Variants in FIG4 observed in about 807,000 individuals in gnomAD.
FIG4 encodes the protein polyphosphoinositide phosphatase.
A neutral mutation model predicts 118.6 loss-of-function variants in FIG4; 112 were observed. The observed-to-expected ratio is 0.94, with a 90% confidence interval of 0.81 to 1.11. The LOEUF is 1.11. Among genes scored for constraint, FIG4 ranks in the 50% least tolerant of loss-of-function variants. The pLI, the probability that FIG4 is intolerant of heterozygous loss-of-function variation, is 0.00. For synonymous variants in FIG4, 369 were observed against 381.2 expected (o/e 0.97, Z 0.37); for missense variants, 969 against 1,111.7 (o/e 0.87, Z 1.83).
chr6:109,794,037 A>G (rs974735523), intron 21 of FIG4, among the ~76,000 whole-genome samples: 1 of 152,220 alleles, frequency 6.6e-6, no homozygotes, highest in African/African-American at 2.4e-5. Context: ...CTGACTGAGT[A>G]ATATGACTTT....
chr6:109,814,167 A>G (rs931321984), intron 22 of FIG4, among the ~76,000 whole-genome samples: 18 of 152,110 alleles, frequency 1.2e-4, no homozygotes, highest in African/African-American at 4.3e-4. Flanking sequence ...TATTTATTTA[A>G]AGACAGTCTC....
rs1583731021 is a variant in FIG4, at chr6:109,785,092, T to A, written c.1948+64T>A. ...ATTTTGGCATTATACCTTAATGAACTTGAAGCATTAAATCCTTTGCACATA... is the reference window on the plus strand; with the variant it reads ...ATTTTGGCATTATACCTTAATGAACATGAAGCATTAAATCCTTTGCACATA... On this transcript the variant is annotated intron_variant, in intron 17 of 22. Transcript: ENST00000230124. 5 of 895,090 alleles carry A rather than the reference T, an allele frequency of 5.6e-6. No homozygotes were observed. The East Asian group carries it at 9.6e-5, about 17-fold the overall frequency. 55.4% of individuals were successfully genotyped at this position (895,090 alleles called of 1,614,324 possible). A position where few individuals can be genotyped will look rare whatever the true frequency, so the allele number is the denominator to read the frequency against.
chr6:109,812,546 C>A (rs1031468839), intron 22 of FIG4, among the ~76,000 whole-genome samples: 1 of 152,146 alleles, frequency 6.6e-6, no homozygotes, highest in African/African-American at 2.4e-5. Context: ...GAGTTGGTTT[C>A]ATGGGAGCCA....
intron 16 of FIG4, among the ~76,000 whole-genome samples, chr6:109,778,534 T>C (rs1215080256): frequency 4.0e-5 from 6 of 151,690 alleles, no homozygotes; most frequent in Admixed American, 1.3e-4. Flanking sequence ...GCTAATTGTG[T>C]GTATGGGACC....
intron 5 of FIG4, among the ~76,000 whole-genome samples, chr6:109,733,930 T>G (rs893439077): frequency 1.3e-5 from 2 of 152,038 alleles, no homozygotes; most frequent in Admixed American, 1.3e-4. Flanking sequence ...TTGTGCCTCA[T>G]AAGTAGGCTT....
intron 10 of FIG4, among the ~76,000 whole-genome samples, chr6:109,756,118 T>G (rs4498399): frequency 0.8 from 121,927 of 151,990 alleles, 49,194 homozygotes; most frequent in African/African-American, 0.9. Flanking sequence ...AGGAGCTCTT[T>G]TAGGGCAGGC....
At chr6:109,739,510 AG>A (rs1776260396) in intron 7 of FIG4, among the ~76,000 whole-genome samples, 1 of 152,026 alleles carries the variant, frequency 6.6e-6, no homozygotes, top group Non-Finnish European at 1.5e-5. Flanking sequence ...TATTTTTCTT[AG>A]TTTTATTCTC....
chr6:109,760,194 C>G, intron 10 of FIG4, 56 bp from the exon 11 acceptor site: 1 of 1,475,784 alleles, frequency 6.8e-7, no homozygotes, highest in East Asian at 2.3e-5. Flanking sequence ...CATGTTGAGC[C>G]TGTTCCTCTG....
intron 22 of FIG4, among the ~76,000 whole-genome samples, chr6:109,806,694 A>G (rs997702479): frequency 6.6e-6 from 1 of 152,002 alleles, no homozygotes; most frequent in East Asian, 1.9e-4. Flanking sequence ...TTACATAGGT[A>G]TACATGTGCC....
intron 10 of FIG4, among the ~76,000 whole-genome samples, chr6:109,756,988 T>A (rs936579130): frequency 2.0e-5 from 3 of 152,192 alleles, no homozygotes; most frequent in Non-Finnish European, 2.9e-5. Flanking sequence ...AGGAACTGCA[T>A]TCCTCAGATG....
intron 22 of FIG4, among the ~76,000 whole-genome samples, chr6:109,802,721 G>A (rs1451346039): frequency 2.0e-5 from 3 of 152,174 alleles, no homozygotes; most frequent in Admixed American, 1.3e-4. Flanking sequence ...CTCCTGTTGG[G>A]GATAATTAGA....
chr6:109,749,510 G>A (rs1776619694), intron 10 of FIG4, among the ~76,000 whole-genome samples: 1 of 151,714 alleles, frequency 6.6e-6, no homozygotes, highest in Non-Finnish European at 1.5e-5. Flanking sequence ...TTGCCAAAGT[G>A]TTAAATTATA....
chr6:109,729,274 C>T (rs761652612), intron 4 of FIG4, among the ~76,000 whole-genome samples: 61 of 152,104 alleles, frequency 4.0e-4, no homozygotes, highest in Admixed American at 1.2e-3. Context: ...AAATTCAATA[C>T]CCATTTGTGA....
chr6:109,780,253 C>T (rs1449478950), intron 16 of FIG4, among the ~76,000 whole-genome samples: 1 of 152,202 alleles, frequency 6.6e-6, no homozygotes, highest in African/African-American at 2.4e-5. Context: ...GCTCTGTCAC[C>T]TAGGCTGGAG....
chr6:109,710,845 T>A (rs939942195), intron 1 of FIG4, among the ~76,000 whole-genome samples: 3 of 152,120 alleles, frequency 2.0e-5, no homozygotes, highest in African/African-American at 7.2e-5. Context: ...TGCTTCTGAT[T>A]GTGTTTGTTT....
intron 12 of FIG4, among the ~76,000 whole-genome samples, chr6:109,763,486 CAAAG>C (rs557685403): frequency 1.3e-5 from 2 of 152,082 alleles, no homozygotes; most frequent in Non-Finnish European, 2.9e-5. Context: ...CAAAACCAAC[CAAAG>C]AAATATAACA....
intron 3 of FIG4, among the ~76,000 whole-genome samples, chr6:109,721,495 CT>C (rs1185810167): frequency 2.0e-5 from 3 of 152,154 alleles, no homozygotes; most frequent in Non-Finnish European, 4.4e-5. Context: ...TCATATTGTC[CT>C]TTTTAATATA....
intron 4 of FIG4, among the ~76,000 whole-genome samples, chr6:109,731,660 T>C (rs1331732380): frequency 6.6e-6 from 1 of 152,180 alleles, no homozygotes; most frequent in Non-Finnish European, 1.5e-5. Context: ...GTATTAGGTA[T>C]TATAAGTAAT....
chr6:109,761,183 A>G (rs1777093365), intron 11 of FIG4, among the ~76,000 whole-genome samples: 1 of 152,004 alleles, frequency 6.6e-6, no homozygotes, highest in African/African-American at 2.4e-5. Flanking sequence ...ATTGCCATTC[A>G]TATTATTTTT....
Sources: allele counts gnomAD v4.1 joint callset (sites outside exome capture counted in the v4.1 genomes callset), GRCh38; gene constraint gnomAD v4.1.1; transcripts MANE v1.5; gene names NCBI Gene and HGNC (gene_info 2026-07-23, HGNC 2026-07-21).